PDE3B: variants seen among roughly 807,000 people sequenced by gnomAD.
PDE3B encodes cGMP-inhibited 3',5'-cyclic phosphodiesterase 3B.
PDE3B carries 66 observed loss-of-function variants against 116.8 expected under a neutral mutation model. The observed-to-expected ratio is 0.56, with a 90% confidence interval of 0.46 to 0.69. The LOEUF is 0.69. PDE3B is among the 30% of genes least tolerant of loss of function. The probability of loss-of-function intolerance (pLI) is 0.00; values close to 1 mark genes in which losing one functional copy is unlikely to be tolerated. For missense variants in PDE3B, 1,384 were observed against 1,368.1 expected (o/e 1.01, Z -0.18); for synonymous variants, 595 against 533.6 (o/e 1.12, Z -1.59).
intron 1 of PDE3B, among the ~76,000 whole-genome samples, chr11:14,665,502 T>G (rs1294782583): frequency 6.6e-6 from 1 of 152,208 alleles, no homozygotes; most frequent in East Asian, 1.9e-4. Context: ...ATGACATGAT[T>G]GTATACCTAG....
intron 4 of PDE3B, among the ~76,000 whole-genome samples, chr11:14,792,606 A>T (rs1267296231): frequency 6.6e-6 from 1 of 152,114 alleles, no homozygotes; most frequent in Non-Finnish European, 1.5e-5. Context: ...TTAAGAGTTT[A>T]TTATTGTTCA....
chr11:14,837,170 CT>C (rs1175526279), intron 11 of PDE3B, among the ~76,000 whole-genome samples: 2 of 152,206 alleles, frequency 1.3e-5, no homozygotes, highest in Non-Finnish European at 2.9e-5. Context: ...TGACCCTGAC[CT>C]TTTGATCTTT....
At chr11:14,849,529 C>T (rs1447972328) in intron 12 of PDE3B, among the ~76,000 whole-genome samples, 1 of 152,146 alleles carries the variant, frequency 6.6e-6, no homozygotes, top group East Asian at 1.9e-4. Flanking sequence ...GCAAAAGAAA[C>T]TACCATCAGA....
At chr11:14,880,875 G>T in the PDE3B span, 5 of 1,048,538 alleles carry the variant, frequency 4.8e-6, no homozygotes, top group African/African-American at 1.6e-5. Context: ...TCTCCAAATT[G>T]TCCTCCTATA....
At chr11:14,847,892 C>T (rs1281494714) in intron 12 of PDE3B, among the ~76,000 whole-genome samples, 7 of 152,104 alleles carry the variant, frequency 4.6e-5, no homozygotes, top group Admixed American at 1.3e-4. Flanking sequence ...GATTCACAGC[C>T]GAATTCTACC....
At chr11:14,678,970 A>G (rs1345303191) in intron 1 of PDE3B, among the ~76,000 whole-genome samples, 1 of 152,186 alleles carries the variant, frequency 6.6e-6, no homozygotes, top group Non-Finnish European at 1.5e-5. Flanking sequence ...TTTCTCCTAC[A>G]TACAGAATTT....
intron 11 of PDE3B, among the ~76,000 whole-genome samples, chr11:14,842,584 A>T (rs1398516049): frequency 6.6e-6 from 1 of 152,178 alleles, no homozygotes; most frequent in Non-Finnish European, 1.5e-5. Flanking sequence ...TATTTAAAAA[A>T]TAGCTCTAAG....
intron 4 of PDE3B, among the ~76,000 whole-genome samples, chr11:14,795,746 TTTC>T (rs1858532287): frequency 6.6e-6 from 1 of 152,182 alleles, no homozygotes; most frequent in Non-Finnish European, 1.5e-5. Context: ...TTTTGTTTTC[TTTC>T]TTTTTTATTT....
chr11:14,747,829 A>C (rs1357941669), intron 1 of PDE3B, among the ~76,000 whole-genome samples: 1 of 152,230 alleles, frequency 6.6e-6, no homozygotes, highest in Non-Finnish European at 1.5e-5. Context: ...TGTAATATAC[A>C]TATTTAAGTA....
At chr11:14,804,508 G>C (rs1042503552) in intron 5 of PDE3B, among the ~76,000 whole-genome samples, 1 of 151,894 alleles carries the variant, frequency 6.6e-6, no homozygotes, top group African/African-American at 2.4e-5. Context: ...TTGGATGCAA[G>C]ATATTTTAAT....
chr11:14,733,727 G>A (rs1195610591), intron 1 of PDE3B, among the ~76,000 whole-genome samples: 1 of 151,950 alleles, frequency 6.6e-6, no homozygotes, highest in African/African-American at 2.4e-5. Context: ...AAAGCAGAGA[G>A]AAAATGAAAA....
intron 6 of PDE3B, 94 bp downstream of exon 6, chr11:14,818,487 T>G (rs1184839555): frequency 8.0e-6 from 6 of 747,038 alleles, no homozygotes; most frequent in Non-Finnish European, 1.3e-5. Context: ...ACTCCAGCTT[T>G]AAGCTAAATG....
At chr11:14,673,915 C>T in intron 1 of PDE3B, 2 of 1,432,940 alleles carry the variant, frequency 1.4e-6, no homozygotes, top group Non-Finnish European at 2.0e-6. Context: ...ACTTCATTAA[C>T]CGCATACTCC....
At chr11:14,759,976 C>T (rs1857309456) in intron 1 of PDE3B, among the ~76,000 whole-genome samples, 1 of 152,114 alleles carries the variant, frequency 6.6e-6, no homozygotes, top group Non-Finnish European at 1.5e-5. Flanking sequence ...TTTTTATAAA[C>T]TGGTCGTTTT....
At chr11:14,800,212 T>C (rs1039834205) in intron 4 of PDE3B, among the ~76,000 whole-genome samples, 41 of 152,214 alleles carry the variant, frequency 2.7e-4, no homozygotes, top group Non-Finnish European at 3.2e-4. Context: ...GGATATGAAA[T>C]TCTGGGTTGA....
chr11:14,735,414 T>C (rs371567688), intron 1 of PDE3B, among the ~76,000 whole-genome samples: 1 of 152,176 alleles, frequency 6.6e-6, no homozygotes, highest in African/African-American at 2.4e-5. Context: ...GAAGAAATTA[T>C]AGGAGTTTTA....
intron 1 of PDE3B, chr11:14,674,635 C>G (rs1450852304): frequency 3.4e-6 from 1 of 296,484 alleles, no homozygotes; most frequent in East Asian, 8.9e-5. Context: ...AGCTAACAAT[C>G]TTCTAAAGTT....
At chr11:14,682,147 T>C (rs1041848014) in intron 1 of PDE3B, among the ~76,000 whole-genome samples, 9 of 152,106 alleles carry the variant, frequency 5.9e-5, no homozygotes, top group African/African-American at 2.2e-4. Context: ...TGTCTTCACA[T>C]TGAGTAGGTT....
intron 2 of PDE3B, among the ~76,000 whole-genome samples, chr11:14,777,124 C>T (rs1301723897): frequency 1.3e-5 from 2 of 151,960 alleles, no homozygotes; most frequent in African/African-American, 2.4e-5. Flanking sequence ...TTTAAAATTA[C>T]TGGATGGGAT....
Sources: allele counts gnomAD v4.1 joint callset (sites outside exome capture counted in the v4.1 genomes callset), GRCh38; gene constraint gnomAD v4.1.1; transcripts MANE v1.5; gene names NCBI Gene and HGNC (gene_info 2026-07-23, HGNC 2026-07-21).